SMYD3: variants seen among roughly 807,000 people sequenced by gnomAD.
The protein encoded by SMYD3 is histone-lysine N-methyltransferase SMYD3.
SMYD3 carries 36 observed loss-of-function variants against 57.7 expected under a neutral mutation model. That is an observed-to-expected ratio of 0.62 (90% CI 0.48 to 0.82). SMYD3 has a LOEUF of 0.82. Among genes scored for constraint, SMYD3 ranks in the 40% least tolerant of loss-of-function variants. SMYD3 has a pLI of 0.00. For synonymous variants in SMYD3, 211 were observed against 195.0 expected, an observed-to-expected ratio of 1.08 and a Z score of -0.68; for missense variants, 515 against 538.8, an observed-to-expected ratio of 0.96 and a Z score of 0.44.
intron 1 of SMYD3, among the ~76,000 whole-genome samples, chr1:246,365,026 T>G (rs1461497140): frequency 6.6e-6 from 1 of 152,120 alleles, no homozygotes; most frequent in Non-Finnish European, 1.5e-5. Flanking sequence ...GTTAAAAGCA[T>G]TAATAGAGAT....
At chr1:246,363,197 T>A (rs1328769632) in intron 1 of SMYD3, among the ~76,000 whole-genome samples, 3 of 149,562 alleles carry the variant, frequency 2.0e-5, no homozygotes, top group Non-Finnish European at 3.0e-5. Flanking sequence ...AGCCACCCCG[T>A]CTGGGAAGTG....
intron 5 of SMYD3, among the ~76,000 whole-genome samples, chr1:246,211,874 T>A (rs768225917): frequency 2.0e-5 from 3 of 149,910 alleles, no homozygotes; most frequent in Non-Finnish European, 4.4e-5. Flanking sequence ...ATGGGTAGCA[T>A]AAAGATGAGT....
Position 245,987,810 on chromosome 1 carries a change from G to T in SMYD3, c.532-57873C>A, listed in dbSNP as rs147872033. Among the ~76,000 whole-genome samples, 701 of 152,262 alleles carry T rather than the reference G, an allele frequency of 4.6e-3. 4 individuals are homozygous for T. Among genetic ancestry groups the T allele is most frequent in the African/African-American group, 0.016 (647 of 41,546 alleles). ...TGACCCCAGTCTTAAACATCTGAGG[G>T]TTTGTAACATGGAAGACAGAACAGC... On this transcript the variant is annotated intron_variant, in intron 5 of 11. Transcript: ENST00000490107.
chr1:246,238,672 A>C (rs2063549929), intron 5 of SMYD3, among the ~76,000 whole-genome samples: 1 of 152,082 alleles, frequency 6.6e-6, no homozygotes, highest in Non-Finnish European at 1.5e-5. Flanking sequence ...CTTTACCTGC[A>C]ATTCTTTCTT....
At chr1:246,307,450 C>T (rs562560485) in intron 5 of SMYD3, among the ~76,000 whole-genome samples, 10 of 132,858 alleles carry the variant, frequency 7.5e-5, no homozygotes, top group South Asian at 7.3e-4. Context: ...GACGGAGTCT[C>T]GCTCTGTCGC....
At chr1:246,246,845 CTA>C (rs10649022) in intron 5 of SMYD3, among the ~76,000 whole-genome samples, 7 of 149,436 alleles carry the variant, frequency 4.7e-5, no homozygotes, top group African/African-American at 9.8e-5. Flanking sequence ...TACATATATA[CTA>C]TATATATATG....
chr1:246,433,664 C>T (rs1009547962), intron 1 of SMYD3, among the ~76,000 whole-genome samples: 4 of 151,786 alleles, frequency 2.6e-5, no homozygotes, highest in Non-Finnish European at 5.9e-5. Context: ...GGCTCCGTCT[C>T]GAAAAAATAA....
intron 5 of SMYD3, among the ~76,000 whole-genome samples, chr1:246,273,624 G>A (rs1432555734): frequency 3.6e-5 from 4 of 112,316 alleles, no homozygotes; most frequent in Admixed American, 1.2e-4. Context: ...TGGTCTTGTC[G>A]CCCAGGTGGG....
rs141158946 is a variant in SMYD3, at chr1:246,192,202, G to A, written c.531+134999C>T. ...TAGCCTTGAATACCTGAGCTCAAGC[G>A]ATCCTCCTTCCTCAGCCTCCCAAGC... On this transcript the variant is annotated intron_variant, in intron 5 of 11. Transcript: ENST00000490107. 7.9e-3 allele frequency among the ~76,000 whole-genome samples: 1,196 copies of A among 152,218 alleles called. 7 individuals are homozygous for A. The highest frequency in any genetic ancestry group is 0.012 in the Admixed American group (182 of 15,296).
At chr1:246,414,500 A>G (rs1276628574) in intron 1 of SMYD3, among the ~76,000 whole-genome samples, 3 of 152,122 alleles carry the variant, frequency 2.0e-5, no homozygotes, top group Non-Finnish European at 4.4e-5. Context: ...AAGAAACAAG[A>G]GATTTAGAAT....
intron 5 of SMYD3, among the ~76,000 whole-genome samples, chr1:245,992,312 A>G (rs1023889873): frequency 6.6e-6 from 1 of 152,104 alleles, no homozygotes; most frequent in African/African-American, 2.4e-5. Flanking sequence ...CGTCATTTCT[A>G]TCATATTCTA....
intron 10 of SMYD3, chr1:245,789,071 G>C (rs759394343): frequency 6.6e-6 from 1 of 152,158 alleles, no homozygotes; most frequent in Admixed American, 6.6e-5. Flanking sequence ...AACTCCTCTT[G>C]GAACACGGCA....
intron 5 of SMYD3, among the ~76,000 whole-genome samples, chr1:246,236,738 T>C (rs1052477795): frequency 7.2e-5 from 11 of 152,064 alleles, no homozygotes; most frequent in Non-Finnish European, 1.2e-4. Context: ...TCTCAAACTC[T>C]GGGGCTAAAG....
At chr1:246,125,079 A>ACACACACACACACACACAC (rs1206513856) in intron 5 of SMYD3, among the ~76,000 whole-genome samples, 20 of 108,282 alleles carry the variant, frequency 1.8e-4, no homozygotes, top group East Asian at 4.1e-4. Flanking sequence ...CTCAAAAAAA[A>ACACACACACACACACACAC]AAAAAAAAAC....
At chr1:245,946,455 A>G (rs10737780) in intron 5 of SMYD3, among the ~76,000 whole-genome samples, 151,685 of 152,286 alleles carry the variant, frequency 1, 75,544 homozygotes, top group Middle Eastern at 1. Context: ...CTCACGCCTC[A>G]AAGCACTTCA....
intron 5 of SMYD3, among the ~76,000 whole-genome samples, chr1:246,298,662 T>G (rs908842989): frequency 5.3e-5 from 8 of 152,232 alleles, no homozygotes; most frequent in Non-Finnish European, 8.8e-5. Flanking sequence ...TATATAATGA[T>G]GATGACTGGA....
At chr1:246,408,462 C>G (rs1194603734) in intron 1 of SMYD3, among the ~76,000 whole-genome samples, 1 of 152,070 alleles carries the variant, frequency 6.6e-6, no homozygotes, top group African/African-American at 2.4e-5. Flanking sequence ...AACTGGTCTA[C>G]AGAATAAGCT....
intron 5 of SMYD3, among the ~76,000 whole-genome samples, chr1:245,992,336 C>T (rs2058825178): frequency 6.6e-6 from 1 of 152,256 alleles, no homozygotes; most frequent in South Asian, 2.1e-4. Context: ...GTCACACACA[C>T]CAACTGTGAT....
chr1:245,937,043 C>G (rs2057015433), intron 5 of SMYD3, among the ~76,000 whole-genome samples: 2 of 152,046 alleles, frequency 1.3e-5, no homozygotes, highest in South Asian at 4.1e-4. Flanking sequence ...TTTAAGAAAA[C>G]TCTTTATCCC....
Sources: allele counts gnomAD v4.1 joint callset (sites outside exome capture counted in the v4.1 genomes callset), GRCh38; gene constraint gnomAD v4.1.1; transcripts MANE v1.5; gene names NCBI Gene and HGNC (gene_info 2026-07-23, HGNC 2026-07-21).